The following ADARB2 variants were observed in gnomAD, a reference collection of about 807,000 sequenced individuals.
ADARB2 encodes adenosine deaminase RNA specific B2 (inactive).
In ADARB2, 25 loss-of-function variants were observed where a neutral mutation model predicts 62.2. The observed-to-expected ratio is 0.40, with a 90% confidence interval of 0.29 to 0.56. The LOEUF is 0.56. Among genes scored for constraint, ADARB2 ranks in the 20% least tolerant of loss-of-function variants. The probability of loss-of-function intolerance (pLI) is 0.43; values close to 1 mark genes in which losing one functional copy is unlikely to be tolerated. For missense variants in ADARB2, 1,071 were observed against 1,077.4 expected (o/e 0.99, Z 0.08); for synonymous variants, 572 against 500.8 (o/e 1.14, Z -1.90).
chr10:1,323,941 A>C (rs889596287), intron 3 of ADARB2, among the ~76,000 whole-genome samples: 1 of 152,244 alleles, frequency 6.6e-6, no homozygotes, highest in African/African-American at 2.4e-5. Flanking sequence ...TCTGTGAAAG[A>C]TTGCCTTAAA....
chr10:1,337,669 G>A (rs527343475), intron 3 of ADARB2, among the ~76,000 whole-genome samples: 2 of 151,984 alleles, frequency 1.3e-5, no homozygotes, highest in Non-Finnish European at 2.9e-5. Context: ...TGGGGCTGGA[G>A]TGCAGGGATT....
At chr10:1,707,596 C>A (rs1018493623) in intron 1 of ADARB2, among the ~76,000 whole-genome samples, 3 of 152,144 alleles carry the variant, frequency 2.0e-5, no homozygotes, top group African/African-American at 7.2e-5. Flanking sequence ...GAGAGTGGTT[C>A]CTGTGCAGAA....
At chr10:1,622,828 C>A (rs1833721493) in intron 1 of ADARB2, among the ~76,000 whole-genome samples, 3 of 152,174 alleles carry the variant, frequency 2.0e-5, no homozygotes, top group Admixed American at 2.0e-4. Context: ...CACCTAGGCA[C>A]CCACCTCGGA....
At chr10:1,716,333 G>A (rs913219572) in intron 1 of ADARB2, among the ~76,000 whole-genome samples, 1 of 152,194 alleles carries the variant, frequency 6.6e-6, no homozygotes, top group Non-Finnish European at 1.5e-5. Context: ...CAGGAAGAAG[G>A]TGTGAAAGAT....
intron 1 of ADARB2, chr10:1,395,030 C>T (rs1220609617): frequency 6.6e-6 from 3 of 451,906 alleles, no homozygotes; most frequent in Non-Finnish European, 1.3e-5. Flanking sequence ...GTTGATCCTG[C>T]CTCGGCCTCC....
At chr10:1,443,919 A>T (rs1318962942) in intron 1 of ADARB2, among the ~76,000 whole-genome samples, 1 of 152,170 alleles carries the variant, frequency 6.6e-6, no homozygotes, top group African/African-American at 2.4e-5. Context: ...ATTGCAGGTT[A>T]ACACAAATGC....
chr10:1,653,033 C>A (rs188981249), intron 1 of ADARB2, among the ~76,000 whole-genome samples: 7 of 152,226 alleles, frequency 4.6e-5, no homozygotes, highest in African/African-American at 1.2e-4. Context: ...CCATCTCAGG[C>A]ACCCAATCAC....
intron 1 of ADARB2, among the ~76,000 whole-genome samples, chr10:1,418,331 C>A (rs536363511): frequency 6.6e-6 from 1 of 152,168 alleles, no homozygotes; most frequent in East Asian, 1.9e-4. Flanking sequence ...TAAGATGCAG[C>A]GGGGACCTGC....
intron 1 of ADARB2, among the ~76,000 whole-genome samples, chr10:1,603,029 A>C (rs570095084): frequency 1.3e-5 from 2 of 149,184 alleles, no homozygotes; most frequent in Non-Finnish European, 3.0e-5. Context: ...TACACACATC[A>C]ATATAAACAC....
At chr10:1,286,446 T>C (rs1022053491) in intron 3 of ADARB2, among the ~76,000 whole-genome samples, 8 of 152,234 alleles carry the variant, frequency 5.3e-5, no homozygotes, top group African/African-American at 1.7e-4. Context: ...TAAAAACCGA[T>C]GTCCAACCAA....
Position 1,216,765 on chromosome 10 carries a change from C to G in ADARB2, c.1682+186G>C, listed in dbSNP as rs535219938. On this transcript the variant is annotated intron_variant, in intron 7 of 9. Transcript: ENST00000381312. The stretch of plus-strand genomic sequence containing the variant: ...CTTGCTCCCTCAGGGACTCGGGGTG[C>G]CTTGGCCTCAGGGTGTGGGACTGAA... 84 of 780,824 alleles carry G rather than the reference C, an allele frequency of 1.1e-4. No homozygotes were observed. In the African/African-American group the frequency reaches 1.2e-3, roughly 12 times the overall value. The allele number at this position is 780,824 out of a possible 1,614,324, so 48.4% of individuals were successfully genotyped here.
rs553546500 is a variant in ADARB2 at position 1,553,979 on chromosome 10, T to TGGTGGA, written c.101-174825_101-174820dup. The stretch of plus-strand genomic sequence containing the variant: ...GTAAACCGGAGTCCAGAAAGTCGGC[T>TGGTGGA]GGTGGAGGCTGTGCAGGGTTGGAAC... On this transcript the variant is annotated intron_variant, in intron 1 of 9. Transcript: ENST00000381312. 4.3e-4 allele frequency among the ~76,000 whole-genome samples: 65 copies of TGGTGGA among 152,306 alleles called. 1 individual carries two copies. The East Asian group carries it at 0.012, about 27-fold the overall frequency.
intron 3 of ADARB2, among the ~76,000 whole-genome samples, chr10:1,347,550 G>A (rs1447288738): frequency 6.6e-6 from 1 of 152,194 alleles, no homozygotes; most frequent in East Asian, 1.9e-4. Flanking sequence ...GATGGCAGCC[G>A]TGTGACCTGT....
At chr10:1,635,995 C>T (rs568213431) in intron 1 of ADARB2, among the ~76,000 whole-genome samples, 5 of 152,240 alleles carry the variant, frequency 3.3e-5, no homozygotes, top group South Asian at 2.1e-4. Flanking sequence ...TAAACCCAGC[C>T]GTGACGAAGT....
intron 1 of ADARB2, among the ~76,000 whole-genome samples, chr10:1,427,406 G>T: frequency 6.6e-6 from 1 of 152,274 alleles, no homozygotes. Flanking sequence ...CATTAGAAAC[G>T]GGCAAAAGAC....
At chr10:1,563,549 G>T (rs1022759793) in intron 1 of ADARB2, among the ~76,000 whole-genome samples, 1 of 152,116 alleles carries the variant, frequency 6.6e-6, no homozygotes, top group Admixed American at 6.5e-5. Flanking sequence ...CTATAATCGC[G>T]CCAGTTTATG....
At position 1,255,798 on chromosome 10, in the gene ADARB2, TG is replaced by T. The variant is rs1414066146; in HGVS notation, c.1193-13500del. Among the ~76,000 whole-genome samples, 1 of 144,598 alleles carries T rather than the reference TG, an allele frequency of 6.9e-6. No homozygotes were observed. Among genetic ancestry groups the T allele is most frequent in the African/African-American group, 2.6e-5 (1 of 38,870 alleles). The allele number at this position is 144,598 out of a possible 152,430, so 94.9% of individuals were successfully genotyped here. ...CTCCCAAACAGGTCACACGTGTGTCTGTGACTCATGGTGGGTCAAACACACT... is the reference window on the plus strand; with the variant it reads ...CTCCCAAACAGGTCACACGTGTGTCTTGACTCATGGTGGGTCAAACACACT... On this transcript the variant is annotated intron_variant, in intron 4 of 9. Coordinates refer to ENST00000381312, the MANE Select transcript of ADARB2 (RefSeq NM_018702.4). The surrounding 1 kb of genome is among the most constrained non-coding windows in gnomAD (Gnocchi z 4.7).
chr10:1,292,766 G>A (rs1831478441), intron 3 of ADARB2: 1 of 152,184 alleles, frequency 6.6e-6, no homozygotes, highest in African/African-American at 2.4e-5. Flanking sequence ...CCTGGCCTGA[G>A]GACACCCCAA....
chr10:1,258,725 C>A (rs961011006), intron 4 of ADARB2, among the ~76,000 whole-genome samples: 2 of 152,190 alleles, frequency 1.3e-5, no homozygotes, highest in African/African-American at 4.8e-5. Context: ...CCACTGTCAA[C>A]ATTAGACAGA....
Sources: allele counts gnomAD v4.1 joint callset (sites outside exome capture counted in the v4.1 genomes callset), GRCh38; gene constraint gnomAD v4.1.1; non-coding constraint Gnocchi (gnomAD v3.1); transcripts MANE v1.5; gene names NCBI Gene and HGNC (gene_info 2026-07-23, HGNC 2026-07-21).